The following PDE4D variants were observed in gnomAD, a reference collection of about 807,000 sequenced individuals.
PDE4D encodes phosphodiesterase 4D, also known as 3',5'-cyclic-AMP phosphodiesterase 4D.
In PDE4D, 24 loss-of-function variants were observed where a neutral mutation model predicts 87.4. The observed-to-expected ratio is 0.27, with a 90% CI of 0.20 to 0.39. The LOEUF (loss-of-function observed/expected upper bound fraction) is 0.39, where lower values mean the gene tolerates loss of function less well. PDE4D is among the 10% of genes least tolerant of loss of function. The pLI is 1.00. For synonymous variants in PDE4D, 384 were observed against 383.2 expected (o/e 1.00, Z -0.02); for missense variants, 714 against 1,041.0 (o/e 0.69, Z 4.32).
chr5:60,417,297 A>G (rs1742691869), intron 1 of PDE4D, among the ~76,000 whole-genome samples: 2 of 152,322 alleles, frequency 1.3e-5, no homozygotes, highest in Non-Finnish European at 2.9e-5. Flanking sequence ...ACCTCACCCA[A>G]GATCATCCAG....
chr5:59,870,338 T>G (rs1747640698), intron 1 of PDE4D, among the ~76,000 whole-genome samples: 1 of 151,144 alleles, frequency 6.6e-6, no homozygotes, highest in African/African-American at 2.4e-5. Context: ...TTTCATAAGC[T>G]CTCTCTAATT....
At chr5:59,583,425 A>G (rs1170556703) in intron 1 of PDE4D, among the ~76,000 whole-genome samples, 1 of 152,234 alleles carries the variant, frequency 6.6e-6, no homozygotes, top group Non-Finnish European at 1.5e-5. Flanking sequence ...AGAAGGAAAA[A>G]TAAGAAGAGC....
At chr5:59,629,779 T>C (rs1365233196) in intron 1 of PDE4D, among the ~76,000 whole-genome samples, 3 of 152,202 alleles carry the variant, frequency 2.0e-5, no homozygotes, top group Non-Finnish European at 4.4e-5. Flanking sequence ...TAGGCATTGG[T>C]GTGTCCATTT....
At chr5:60,073,492 GTTT>G (rs70975364) in intron 2 of PDE4D, among the ~76,000 whole-genome samples, 1 of 141,910 alleles carries the variant, frequency 7.0e-6, no homozygotes. Flanking sequence ...TTTGCCAGGT[GTTT>G]TTTTTTTTTT....
intron 1 of PDE4D, among the ~76,000 whole-genome samples, chr5:59,771,934 A>G (rs761411665): frequency 1.3e-5 from 2 of 152,228 alleles, no homozygotes; most frequent in African/African-American, 2.4e-5. Flanking sequence ...GAGTTTCTTT[A>G]CAGGTCCCCA....
At chr5:59,892,900 A>G (rs1751168331) in intron 1 of PDE4D, among the ~76,000 whole-genome samples, 1 of 48,854 alleles carries the variant, frequency 2.0e-5, no homozygotes, top group East Asian at 2.9e-4. Context: ...CGCGCACCAC[A>G]CACACACACA....
intron 1 of PDE4D, among the ~76,000 whole-genome samples, chr5:60,493,583 ATCATTCATTCAT>A (rs56333350): frequency 0.15 from 21,759 of 149,594 alleles, 1,664 homozygotes; most frequent in Non-Finnish European, 0.17. Context: ...TCTATACACA[ATCATTCATTCAT>A]TCATTCATTC....
At chr5:59,045,468 G>A (rs765776340) in intron 5 of PDE4D, among the ~76,000 whole-genome samples, 20 of 149,672 alleles carry the variant, frequency 1.3e-4, no homozygotes, top group Non-Finnish European at 2.1e-4. Context: ...CAGGAGAATC[G>A]CTTGAACCTG....
intron 1 of PDE4D, among the ~76,000 whole-genome samples, chr5:59,820,380 AC>A (rs1473065538): frequency 6.6e-6 from 1 of 152,220 alleles, no homozygotes; most frequent in Non-Finnish European, 1.5e-5. Context: ...GATGAGGCTC[AC>A]TTTTGCTGAA....
At chr5:60,222,449 A>G (rs965684390) in intron 1 of PDE4D, among the ~76,000 whole-genome samples, 2 of 152,158 alleles carry the variant, frequency 1.3e-5, no homozygotes, top group African/African-American at 4.8e-5. Flanking sequence ...ATACGTGTTT[A>G]TTCTTGTTAT....
At chr5:60,204,935 G>C (rs1399271634) in intron 1 of PDE4D, among the ~76,000 whole-genome samples, 1 of 152,196 alleles carries the variant, frequency 6.6e-6, no homozygotes, top group Non-Finnish European at 1.5e-5. Flanking sequence ...ATGTGTGAAG[G>C]ACCTGGGACA....
At chr5:60,455,111 T>C (rs1746371289) in intron 1 of PDE4D, among the ~76,000 whole-genome samples, 1 of 152,132 alleles carries the variant, frequency 6.6e-6, no homozygotes, top group Non-Finnish European at 1.5e-5. Flanking sequence ...TTATAGGGTA[T>C]AAAATTTTAA....
chr5:60,364,585 C>T (rs1258427211), intron 1 of PDE4D, among the ~76,000 whole-genome samples: 1 of 152,092 alleles, frequency 6.6e-6, no homozygotes, highest in Non-Finnish European at 1.5e-5. Context: ...TTTTCTTACA[C>T]AGAATCAGTA....
At chr5:59,104,293 T>C (rs558077499) in intron 5 of PDE4D, among the ~76,000 whole-genome samples, 1 of 152,350 alleles carries the variant, frequency 6.6e-6, no homozygotes, top group Admixed American at 6.5e-5. Flanking sequence ...GTTAGTATTA[T>C]CTATCTTTTA....
chr5:59,905,414 CTT>C (rs1363667565), intron 3 of PDE4D, among the ~76,000 whole-genome samples: 2 of 152,082 alleles, frequency 1.3e-5, no homozygotes, highest in East Asian at 3.9e-4. Context: ...GGTCAAGTAA[CTT>C]AGAAATGATG....
At chr5:59,441,102 T>G (rs549551230) in intron 1 of PDE4D, among the ~76,000 whole-genome samples, 13 of 152,170 alleles carry the variant, frequency 8.5e-5, no homozygotes, top group Non-Finnish European at 1.6e-4. Context: ...TGAGTCTTAT[T>G]TATTTATTTA....
At chr5:60,115,951 G>T (rs1400217510) in intron 2 of PDE4D, among the ~76,000 whole-genome samples, 1 of 152,066 alleles carries the variant, frequency 6.6e-6, no homozygotes, top group Admixed American at 6.6e-5. Context: ...TTGCTGTTGT[G>T]TGCTCAATTC....
intron 1 of PDE4D, among the ~76,000 whole-genome samples, chr5:59,545,160 T>C (rs1817050793): frequency 6.6e-6 from 1 of 152,156 alleles, no homozygotes; most frequent in African/African-American, 2.4e-5. Context: ...TTGCCAGTCT[T>C]CCTTAAAATT....
intron 1 of PDE4D, among the ~76,000 whole-genome samples, chr5:60,193,651 G>A (rs1354652121): frequency 9.5e-6 from 1 of 105,070 alleles, no homozygotes. Context: ...CAGCCTGGGC[G>A]ACAGCGAGAC....
Sources: allele counts gnomAD v4.1 joint callset (sites outside exome capture counted in the v4.1 genomes callset), GRCh38; gene constraint gnomAD v4.1.1; transcripts MANE v1.5; gene names NCBI Gene and HGNC (gene_info 2026-07-23, HGNC 2026-07-21).